ZNF124: variants seen among roughly 807,000 people sequenced by gnomAD.
ZNF124 encodes zinc finger protein HZF-16.
ZNF124 carries 25 observed loss-of-function variants against 26.6 expected under a neutral mutation model. The ratio of observed to expected loss-of-function variants is 0.94; its 90% CI spans 0.68 to 1.31. The LOEUF (loss-of-function observed/expected upper bound fraction) is 1.31. ZNF124 is among the 40% of genes most tolerant of loss of function. The pLI, the probability that ZNF124 is intolerant of heterozygous loss-of-function variation, is 0.00. For missense variants in ZNF124, 444 were observed against 422.2 expected, an observed-to-expected ratio of 1.05 and a Z score of -0.45; for synonymous variants, 129 against 133.3, an observed-to-expected ratio of 0.97 and a Z score of 0.22.
intron 3 of ZNF124, 117 bp from the exon 4 acceptor site, chr1:247,157,520 C>T (rs1234177044): frequency 3.3e-6 from 3 of 898,502 alleles, no homozygotes; most frequent in South Asian, 2.9e-5. Flanking sequence ...GGTTTTTCTA[C>T]ACTGACTTAT....
chr1:247,154,692 T>C (rs1028061449), downstream of ZNF124, among the ~76,000 whole-genome samples: 7 of 152,172 alleles, frequency 4.6e-5, no homozygotes, highest in South Asian at 2.1e-4. Flanking sequence ...AAAGCAATGT[T>C]GTTTTTGCAT....
chr1:247,124,493 G>A (rs906179875), intron 3 of ZNF124, among the ~76,000 whole-genome samples: 3 of 152,240 alleles, frequency 2.0e-5, no homozygotes, highest in Admixed American at 6.5e-5. Context: ...GAGCCACCAC[G>A]CCCGGCTCTG....
chr1:247,122,718 T>C (rs1174874937), exon 4 of ZNF124: 3 of 152,224 alleles, frequency 2.0e-5, no homozygotes, highest in African/African-American at 7.2e-5. Flanking sequence ...CTGGGAGTTT[T>C]GCAGTAACAC....
intron 3 of ZNF124, among the ~76,000 whole-genome samples, chr1:247,135,586 A>G (rs1672462604): frequency 6.6e-6 from 1 of 152,198 alleles, no homozygotes. Context: ...TCACAGCAGA[A>G]TTTTACCAGA....
At chr1:247,162,552 TAAC>T (rs1352716699) in intron 1 of ZNF124, among the ~76,000 whole-genome samples, 1 of 136,750 alleles carries the variant, frequency 7.3e-6, no homozygotes, top group Non-Finnish European at 1.5e-5. Flanking sequence ...TAAAACTGCC[TAAC>T]AACACATTAA....
intron 3 of ZNF124, among the ~76,000 whole-genome samples, chr1:247,139,917 T>C (rs1031728410): frequency 3.3e-5 from 5 of 152,216 alleles, no homozygotes; most frequent in African/African-American, 1.2e-4. Context: ...ATAGCTGCCT[T>C]TAACAGTCTT....
intron 3 of ZNF124, among the ~76,000 whole-genome samples, chr1:247,147,969 T>TAG (rs774039267): frequency 2.6e-5 from 4 of 152,218 alleles, no homozygotes; most frequent in East Asian, 3.9e-4. Flanking sequence ...AGCGAGTACA[T>TAG]AGAGAGAGAG....
At position 247,157,393 on chromosome 1, in the gene ZNF124, A is replaced by G. The variant is rs767909582; in HGVS notation, c.229T>C (p.Ser77Pro). Residue 77 changes from serine (S) to proline (P), a missense_variant, in exon 4 of 4, where the codon TCT (serine) becomes CCT (proline). Ser to Pro is a moderately conservative substitution (Grantham distance 74). Transcript: ENST00000543802. ...NSSRNLRHII[S>P]HSGNNPYGCE... ...CCATATGGGTTGTTTCCAGAATGAG[A>G]TATGATGTGCCTATGAAGGGATGAA... 1.9e-6 allele frequency: 3 copies of G among 1,552,354 alleles called. No individual in the cohort carries two copies. Among genetic ancestry groups the G allele is most frequent in the Non-Finnish European group, 2.6e-6 (3 of 1,147,254 alleles).
chr1:247,163,352 G>A (rs1278171307), intron 1 of ZNF124, among the ~76,000 whole-genome samples: 1 of 149,982 alleles, frequency 6.7e-6, no homozygotes, highest in Non-Finnish European at 1.5e-5. Context: ...ACAACTTCAG[G>A]AGTCAATTTT....
chr1:247,148,061 C>T (rs1315396939), intron 3 of ZNF124, among the ~76,000 whole-genome samples: 2 of 152,246 alleles, frequency 1.3e-5, no homozygotes, highest in Admixed American at 6.5e-5. Context: ...TTCAGCAAAA[C>T]CACAAGAACT....
At chr1:247,150,771 TATGA>T (rs60452988), downstream of ZNF124, among the ~76,000 whole-genome samples, 5,005 of 151,978 alleles carry the variant, frequency 0.033, 277 homozygotes, top group African/African-American at 0.11. Flanking sequence ...AACACTCAAT[TATGA>T]ATGAATTGCA....
intron 1 of ZNF124, among the ~76,000 whole-genome samples, chr1:247,166,983 T>C: frequency 6.6e-6 from 1 of 152,188 alleles, no homozygotes; most frequent in Non-Finnish European, 1.5e-5. Flanking sequence ...AATGGTTCAA[T>C]ATATGAAAAA....
chr1:247,155,215 A>G lies in ZNF124; in HGVS notation c.*1351T>C, dbSNP rs971923294. Among the ~76,000 whole-genome samples the G allele has an allele frequency of 1.3e-5, 2 of 152,216 alleles. No homozygotes were observed. The highest frequency in any genetic ancestry group is 2.4e-5 in the African/African-American group (1 of 41,446). ...GAATATACTCTATAATAAACTTTAC[A>G]TACTTACAAATTGACAGCAACTCTA... On this transcript the variant is annotated 3_prime_UTR_variant, in exon 4 of 4. Coordinates refer to ENST00000543802, the MANE Select transcript of ZNF124 (RefSeq NM_001297568.2).
intron 3 of ZNF124, among the ~76,000 whole-genome samples, chr1:247,147,793 G>A (rs1009907683): frequency 1.3e-5 from 2 of 151,686 alleles, no homozygotes; most frequent in African/African-American, 4.8e-5. Flanking sequence ...GGCACTTAGG[G>A]GACAGGGAAG....
intron 3 of ZNF124, among the ~76,000 whole-genome samples, chr1:247,134,947 TCCAAA>T (rs1382337400): frequency 6.6e-6 from 1 of 152,056 alleles, no homozygotes; most frequent in Non-Finnish European, 1.5e-5. Context: ...AGAAACTCAC[TCCAAA>T]CCACACGATT....
intron 3 of ZNF124, among the ~76,000 whole-genome samples, chr1:247,158,651 T>C (rs564143288): frequency 2.0e-5 from 3 of 151,878 alleles, no homozygotes; most frequent in South Asian, 4.2e-4. Context: ...TTCCCCGAGA[T>C]GGTGTTTTGC....
intron 1 of ZNF124, among the ~76,000 whole-genome samples, chr1:247,164,582 C>A (rs1673669644): frequency 6.6e-6 from 1 of 150,562 alleles, no homozygotes; most frequent in African/African-American, 2.5e-5. Flanking sequence ...TTACAAGATG[C>A]TGCTGGGAAA....
At chr1:247,172,372 G>T (rs1674122334), upstream of ZNF124, among the ~76,000 whole-genome samples, 1 of 151,890 alleles carries the variant, frequency 6.6e-6, no homozygotes, top group Non-Finnish European at 1.5e-5. Context: ...ATGGCCTCTG[G>T]TCTTCTGAGG....
At chr1:247,136,883 G>A (rs913942948) in intron 3 of ZNF124, among the ~76,000 whole-genome samples, 2 of 151,570 alleles carry the variant, frequency 1.3e-5, no homozygotes, top group African/African-American at 4.9e-5. Context: ...GGAGTTGGAA[G>A]TTGCAGTAAG....
Sources: gnomAD v4.1 joint callset for allele counts (sites outside exome capture counted in the v4.1 genomes callset) on GRCh38, gnomAD v4.1.1 for gene constraint, MANE v1.5 for transcripts, NCBI Gene and HGNC (gene_info 2026-07-23, HGNC 2026-07-21) for gene names.